NTN1: variants seen among roughly 807,000 people sequenced by gnomAD.
NTN1 encodes netrin-1.
Under a neutral mutation model 54.2 loss-of-function variants are expected in NTN1, and 11 were observed. The observed-to-expected ratio is 0.20, with a 90% CI of 0.13 to 0.34. The LOEUF (loss-of-function observed/expected upper bound fraction) is 0.34, where lower values mean the gene tolerates loss of function less well. NTN1 is among the 10% of genes least tolerant of loss of function. The pLI is 1.00. For missense variants in NTN1, 740 were observed against 893.1 expected, an observed-to-expected ratio of 0.83 and a Z score of 2.18; for synonymous variants, 371 against 382.0, an observed-to-expected ratio of 0.97 and a Z score of 0.33.
intron 2 of NTN1, among the ~76,000 whole-genome samples, chr17:9,034,257 C>G (rs957549258): frequency 6.6e-6 from 1 of 152,066 alleles, no homozygotes; most frequent in African/African-American, 2.4e-5. Context: ...AGGAGGGGTA[C>G]AGGAAGGAGA....
chr17:9,013,461 C>A, the NTN1 span, among the ~76,000 whole-genome samples: 1 of 152,126 alleles, frequency 6.6e-6, no homozygotes, highest in African/African-American at 2.4e-5. Context: ...GGTGATCTGC[C>A]CTCCTCGGCC....
At chr17:9,018,538 G>T (rs2091836483), upstream of NTN1, among the ~76,000 whole-genome samples, 1 of 151,492 alleles carries the variant, frequency 6.6e-6, no homozygotes, top group Non-Finnish European at 1.5e-5. Flanking sequence ...GGAGGCTGAG[G>T]CAGGAGAATC....
At chr17:9,153,372 C>G (rs1046508595) in intron 2 of NTN1, among the ~76,000 whole-genome samples, 1 of 152,276 alleles carries the variant, frequency 6.6e-6, no homozygotes, top group African/African-American at 2.4e-5. Context: ...TCGCTTGAAC[C>G]TGGGAGGCAG....
intron 2 of NTN1, among the ~76,000 whole-genome samples, chr17:9,081,955 G>A (rs529517268): frequency 1.3e-5 from 2 of 152,336 alleles, no homozygotes; most frequent in South Asian, 4.1e-4. Flanking sequence ...GGTGGGTTCT[G>A]TGTTGTCTCT....
chr17:9,134,606 G>T (rs925007854), intron 2 of NTN1, among the ~76,000 whole-genome samples: 4 of 152,212 alleles, frequency 2.6e-5, no homozygotes, highest in Non-Finnish European at 5.9e-5. Context: ...CTAACATGCA[G>T]CCGGGGCAGA....
intron 5 of NTN1, among the ~76,000 whole-genome samples, chr17:9,202,055 CAAAAAAAAAAAAAAAAAAA>C (rs773720564): frequency 4.1e-5 from 2 of 48,312 alleles, no homozygotes; most frequent in African/African-American, 9.5e-5. Context: ...CACACACACA[CAAAAAAAAAAAAAAAAAAA>C]AAAAAAAAAA....
chr17:9,116,133 C>T (rs867397086), intron 2 of NTN1, among the ~76,000 whole-genome samples: 8 of 151,410 alleles, frequency 5.3e-5, no homozygotes, highest in Non-Finnish European at 1.0e-4. Flanking sequence ...CTCTGCTGTT[C>T]CTGGAGGAGC....
chr17:9,059,892 C>T (rs1171849978), intron 2 of NTN1, among the ~76,000 whole-genome samples: 7 of 151,228 alleles, frequency 4.6e-5, no homozygotes, highest in Non-Finnish European at 1.0e-4. Context: ...TCTAAACCAC[C>T]AGGGCCACGT....
intron 2 of NTN1, among the ~76,000 whole-genome samples, chr17:9,026,300 C>T (rs766230182): frequency 2.0e-5 from 3 of 150,470 alleles, no homozygotes; most frequent in African/African-American, 4.9e-5. Flanking sequence ...GTTTTCTTTT[C>T]GGTGTTGTTT....
chr17:9,035,593 A>G (rs990103302), intron 2 of NTN1, among the ~76,000 whole-genome samples: 6 of 152,016 alleles, frequency 3.9e-5, no homozygotes, highest in Non-Finnish European at 8.8e-5. Flanking sequence ...TATTTTTAAC[A>G]TTTTTTGAGA....
chr17:9,101,428 C>A (rs577121011), intron 2 of NTN1, among the ~76,000 whole-genome samples: 1 of 152,316 alleles, frequency 6.6e-6, no homozygotes, highest in African/African-American at 2.4e-5. Flanking sequence ...AAGAATTGCA[C>A]ACTTGTATTT....
At chr17:9,069,011 A>G (rs1262922392) in intron 2 of NTN1, among the ~76,000 whole-genome samples, 2 of 152,088 alleles carry the variant, frequency 1.3e-5, no homozygotes, top group Non-Finnish European at 2.9e-5. Context: ...CCACCCCTCC[A>G]TGAGTACAGG....
At position 9,230,006 on chromosome 17, in the gene NTN1, C is replaced by A. The variant is rs557020991; in HGVS notation, c.1486+8764C>A. On this transcript the variant is annotated intron_variant, in intron 6 of 6. Transcript: ENST00000173229. ...CCGGGGAGGGGAGGGTCTCACCACT[C>A]CCGCCTCTTGTCTCCAGCTAGCCTC... Among the ~76,000 whole-genome samples the A allele has an allele frequency of 4.7e-4, 72 of 152,108 alleles. 1 individual carries two copies. The South Asian group carries it at 0.012, about 26-fold the overall frequency.
rs79755003 is a variant in NTN1 at position 9,153,982 on chromosome 17, A to G, written c.1019-8831A>G. ...AATGGTTTTTAAAATGGTTGAAACGAGGCATCCTCAATGAGTGCAAACCCC... is the reference window on the plus strand; with the variant it reads ...AATGGTTTTTAAAATGGTTGAAACGGGGCATCCTCAATGAGTGCAAACCCC... On this transcript the variant is annotated intron_variant, in intron 2 of 6. Coordinates refer to ENST00000173229, the MANE Select transcript of NTN1 (RefSeq NM_004822.3). 6.9e-3 allele frequency among the ~76,000 whole-genome samples: 1,044 copies of G among 152,324 alleles called. 10 individuals carry two copies. The highest frequency in any genetic ancestry group is 0.024 in the African/African-American group (1,001 of 41,582).
At chr17:9,008,376 T>C in the NTN1 span, among the ~76,000 whole-genome samples, 1 of 152,180 alleles carries the variant, frequency 6.6e-6, no homozygotes, top group Non-Finnish European at 1.5e-5. Flanking sequence ...TGGAGTGCAG[T>C]GGTGCGATTT....
intron 5 of NTN1, 133 bp downstream of exon 5, chr17:9,183,102 G>C (rs2092423748): frequency 1.1e-6 from 1 of 903,764 alleles, no homozygotes; most frequent in Admixed American, 1.9e-5. Flanking sequence ...CGTATGAGTG[G>C]CATCCTGGGT....
chr17:9,023,004 C>G lies in NTN1; in HGVS notation c.631C>G (p.Arg211Gly). The change falls in exon 2 of 7, where the codon CGC becomes GGC. Residue 211 changes from arginine (R) to glycine (G), a missense_variant. By Grantham distance (125) the Arg-to-Gly change is moderately radical. Transcript: ENST00000173229. ...AVCTDSHTDM[R>G]PLSGGLIAFS... ...GTGCACCGACTCGCACACCGACATG[C>G]GCCCGCTCTCGGGCGGCCTCATCGC... is the stretch of plus-strand genomic sequence containing the variant. The G allele has an allele frequency of 6.2e-7, 1 of 1,607,054 alleles. No homozygotes were observed. The highest frequency in any genetic ancestry group is 8.5e-7 in the Non-Finnish European group (1 of 1,177,820).
chr17:9,070,306 G>T (rs772187963), intron 2 of NTN1, among the ~76,000 whole-genome samples: 3 of 152,160 alleles, frequency 2.0e-5, no homozygotes, highest in African/African-American at 7.2e-5. Context: ...TGAGCCTTCC[G>T]GGTGGATCTC....
intron 2 of NTN1, among the ~76,000 whole-genome samples, chr17:9,092,105 G>A (rs921807312): frequency 4.0e-5 from 6 of 151,818 alleles, no homozygotes; most frequent in African/African-American, 1.2e-4. Context: ...GGCCAGGCTG[G>A]TCTCAAACTC....
Sources: gnomAD v4.1 joint callset for allele counts (sites outside exome capture counted in the v4.1 genomes callset) on GRCh38, gnomAD v4.1.1 for gene constraint, MANE v1.5 for transcripts, NCBI Gene and HGNC (gene_info 2026-07-23, HGNC 2026-07-21) for gene names.